The following ERICH3 variants were observed in gnomAD, a reference collection of about 807,000 sequenced individuals.
The protein encoded by ERICH3 is glutamate rich 3, also known as glutamate-rich protein 3.
A neutral mutation model predicts 131.1 loss-of-function variants in ERICH3; 126 were observed. The ratio of observed to expected loss-of-function variants is 0.96; its 90% CI spans 0.83 to 1.11. The LOEUF (loss-of-function observed/expected upper bound fraction) is 1.11, where lower values mean the gene tolerates loss of function less well. Ranked by LOEUF, ERICH3 falls within the 50% of genes most tolerant of loss-of-function variation. The pLI is 0.00. For synonymous variants in ERICH3, 695 were observed against 644.6 expected, an observed-to-expected ratio of 1.08 and a Z score of -1.18; for missense variants, 2,050 against 1,810.7, an observed-to-expected ratio of 1.13 and a Z score of -2.40.
At chr1:74,578,698 TTCC>T (rs1328532112) in intron 12 of ERICH3, 14 of 61,074 alleles carry the variant, frequency 2.3e-4, no homozygotes, top group African/African-American at 5.6e-4. Flanking sequence ...CTTTCTTTAC[TTCC>T]TTCCTTCCTT....
chr1:74,600,081 A>G (rs1648057270), intron 10 of ERICH3, 150 bp from the exon 11 acceptor site: 1 of 582,332 alleles, frequency 1.7e-6, no homozygotes, highest in African/African-American at 1.9e-5. Context: ...GAACATGGAA[A>G]ACTAACAGCA....
At chr1:74,661,898 C>A (rs1419441598) in intron 1 of ERICH3, among the ~76,000 whole-genome samples, 1 of 152,182 alleles carries the variant, frequency 6.6e-6, no homozygotes, top group Non-Finnish European at 1.5e-5. Flanking sequence ...ATGTTTATCT[C>A]ATAGTTTTTT....
intron 12 of ERICH3, among the ~76,000 whole-genome samples, chr1:74,585,709 T>C (rs1166245329): frequency 6.6e-6 from 1 of 152,118 alleles, no homozygotes. Context: ...CTCTCAGCCC[T>C]CTTTCATTTC....
At chr1:74,581,297 A>T (rs1227783126) in intron 12 of ERICH3, among the ~76,000 whole-genome samples, 2 of 152,028 alleles carry the variant, frequency 1.3e-5, no homozygotes, top group Non-Finnish European at 2.9e-5. Flanking sequence ...TATTAAGCCC[A>T]TGTGTTAGGT....
chr1:74,667,165 G>A (rs1005825077), intron 1 of ERICH3, among the ~76,000 whole-genome samples: 1 of 151,518 alleles, frequency 6.6e-6, no homozygotes, highest in Non-Finnish European at 1.5e-5. Context: ...TCTTTATTTC[G>A]TCTATGACTC....
At chr1:74,609,287 T>A (rs907740789) in intron 9 of ERICH3, among the ~76,000 whole-genome samples, 1 of 152,068 alleles carries the variant, frequency 6.6e-6, no homozygotes, top group Non-Finnish European at 1.5e-5. Context: ...TTCCTAATCA[T>A]TTAGAAATAT....
chr1:74,638,854 G>T (rs961488824), intron 5 of ERICH3, among the ~76,000 whole-genome samples: 2 of 152,104 alleles, frequency 1.3e-5, no homozygotes, highest in African/African-American at 2.4e-5. Flanking sequence ...CCTAAGTTTG[G>T]CAGATCAGCA....
At chr1:74,583,113 T>C (rs970449593) in intron 12 of ERICH3, among the ~76,000 whole-genome samples, 1 of 152,166 alleles carries the variant, frequency 6.6e-6, no homozygotes, top group African/African-American at 2.4e-5. Context: ...TTAGATGTCA[T>C]TGTCGGCCAG....
At chr1:74,612,926 T>A (rs1156917243) in intron 8 of ERICH3, 117 bp from the exon 9 acceptor site, 14 of 824,856 alleles carry the variant, frequency 1.7e-5, no homozygotes, top group Non-Finnish European at 2.3e-5. Context: ...GGGTGTCCAA[T>A]CTTTTGGCTT....
chr1:74,673,630 G>T lies in ERICH3; in HGVS notation c.-111C>A. The stretch of plus-strand genomic sequence containing the variant: ...GCTCGAGGGGTGGCTCCGCACCGAG[G>T]TCCCCTGTGCGCGGGCACCTGGGCT... On this transcript the variant is annotated 5_prime_UTR_variant, in exon 1 of 15. Transcript: ENST00000326665. The T allele has an allele frequency of 7.9e-7, 1 of 1,265,974 alleles. No individual in the cohort carries two copies. Among genetic ancestry groups the T allele is most frequent in the Non-Finnish European group, 1.1e-6 (1 of 920,838 alleles). The allele number at this position is 1,265,974 out of a possible 1,614,324, so 78.4% of individuals were successfully genotyped here.
chr1:74,588,029 G>C (rs965241716), intron 12 of ERICH3, among the ~76,000 whole-genome samples: 9 of 152,114 alleles, frequency 5.9e-5, no homozygotes, highest in Non-Finnish European at 1.0e-4. Context: ...TGGCTTGCAG[G>C]CTATTTAGAA....
At chr1:74,582,098 G>T (rs190069884) in intron 12 of ERICH3, among the ~76,000 whole-genome samples, 3 of 152,256 alleles carry the variant, frequency 2.0e-5, no homozygotes, top group Admixed American at 2.0e-4. Context: ...CAGTGTAGCT[G>T]ACTTTTTGTT....
At chr1:74,594,488 A>G (rs1412929045) in intron 11 of ERICH3, among the ~76,000 whole-genome samples, 3 of 152,046 alleles carry the variant, frequency 2.0e-5, no homozygotes, top group Non-Finnish European at 4.4e-5. Flanking sequence ...CTTCCAACTT[A>G]CATAGATTCA....
intron 1 of ERICH3, among the ~76,000 whole-genome samples, chr1:74,667,916 C>T (rs1173183259): frequency 6.6e-6 from 1 of 152,092 alleles, no homozygotes; most frequent in Non-Finnish European, 1.5e-5. Flanking sequence ...CTTTCCCCCA[C>T]GCTGTTCTTG....
rs1210925330 is a variant in ERICH3 at position 74,570,228 on chromosome 1, A to C, written c.*230T>G. 1 of 152,202 alleles carries C rather than the reference A, an allele frequency of 6.6e-6. No homozygotes were observed. The allele number at this position is 152,202 out of a possible 1,614,324, so 9.4% of individuals were successfully genotyped here. ...AGCCTCACAAGTTTCTCCATGAGGA[A>C]CCACTGCTTCTAAGAAGGGTCCTAC... On this transcript the variant is annotated 3_prime_UTR_variant, in exon 15 of 15. Coordinates refer to ENST00000326665, the MANE Select transcript of ERICH3 (RefSeq NM_001002912.5).
In ERICH3 at chr1:74,572,337, C is replaced by T. The variant is rs775619326; in HGVS notation, c.3373G>A (p.Asp1125Asn). The T allele has an allele frequency of 3.1e-6, 5 of 1,613,660 alleles. No individual in the cohort carries two copies. The East Asian group carries it at 1.1e-4, about 36-fold the overall frequency. ...TKAPPNEMGS[D>N]AENEAPVEAS... ...TCCACAGGTGCTTCGTTCTCAGCAT[C>T]AGATCCCATTTCATTTGGGGGAGCT... The change falls in exon 14 of 15, where the codon GAT (aspartate) becomes AAT (asparagine). Residue 1125 changes from aspartate (D) to asparagine (N), a missense_variant. By Grantham distance (23) the Asp-to-Asn change is conservative (BLOSUM62 1). Coordinates refer to ENST00000326665, the MANE Select transcript of ERICH3 (RefSeq NM_001002912.5).
At chr1:74,574,739 A>G (rs1647020527) in intron 13 of ERICH3, among the ~76,000 whole-genome samples, 6 of 152,232 alleles carry the variant, frequency 3.9e-5, no homozygotes, top group Admixed American at 3.9e-4. Context: ...TTAATGGAAC[A>G]AAGTGGATTT....
At chr1:74,573,543 G>A (rs755890279) in intron 13 of ERICH3, 52 bp from the exon 14 acceptor site, 1 of 1,467,402 alleles carries the variant, frequency 6.8e-7, no homozygotes, top group Admixed American at 2.6e-5. Flanking sequence ...GCGAACAAGG[G>A]AGGGGACACT....
At chr1:74,614,748 G>C (rs1648883508) in intron 8 of ERICH3, among the ~76,000 whole-genome samples, 1 of 151,640 alleles carries the variant, frequency 6.6e-6, no homozygotes, top group African/African-American at 2.4e-5. Context: ...AGGTAATTCA[G>C]TCATTTATAC....
Sources: allele counts gnomAD v4.1 joint callset (sites outside exome capture counted in the v4.1 genomes callset), GRCh38; gene constraint gnomAD v4.1.1; transcripts MANE v1.5; gene names NCBI Gene and HGNC (gene_info 2026-07-23, HGNC 2026-07-21).